The following MRPL34 variants were observed in gnomAD, a reference collection of about 807,000 sequenced individuals.
The protein encoded by MRPL34 is large ribosomal subunit protein bL34m.
In MRPL34, 8 loss-of-function variants were observed where a neutral mutation model predicts 6.7. The observed-to-expected ratio is 1.20, with a 90% confidence interval of 0.70 to 2.16. The LOEUF (loss-of-function observed/expected upper bound fraction) is 2.16. MRPL34 is among the 30% of genes most tolerant of loss of function. The pLI, the probability that MRPL34 is intolerant of heterozygous loss-of-function variation, is 0.00. For missense variants in MRPL34, 146 were observed against 125.5 expected (o/e 1.16, Z -0.78); for synonymous variants, 59 against 55.1 (o/e 1.07, Z -0.31).
upstream of MRPL34, chr19:17,301,590 G>A (rs11086067): frequency 0.29 from 461,580 of 1,574,700 alleles, 69,202 homozygotes; most frequent in South Asian, 0.37. Context: ...GGCAACAGAA[G>A]ATACCGTCGG....
At chr19:17,298,773 C>T (rs2074104146), upstream of MRPL34, among the ~76,000 whole-genome samples, 1 of 121,314 alleles carries the variant, frequency 8.2e-6, no homozygotes. Context: ...CAGAGTCTCA[C>T]TCTGTTGCTC....
upstream of MRPL34, chr19:17,301,124 G>A (rs907807943): frequency 2.5e-6 from 4 of 1,612,810 alleles, no homozygotes; most frequent in Admixed American, 1.7e-5. Flanking sequence ...CTAGTGATGC[G>A]CTTCTCACAG....
upstream of MRPL34, among the ~76,000 whole-genome samples, chr19:17,299,236 C>G (rs548523285): frequency 7.3e-6 from 1 of 137,344 alleles, no homozygotes; most frequent in East Asian, 2.1e-4. Context: ...ATAATGAGAC[C>G]CCCCCCCCAT....
At chr19:17,301,852 GGCCGGA>G (rs2145660895), upstream of MRPL34, among the ~76,000 whole-genome samples, 1 of 152,090 alleles carries the variant, frequency 6.6e-6, no homozygotes, top group East Asian at 1.9e-4. Flanking sequence ...GGAGGGCAGT[GGCCGGA>G]TTTCGGCTTA....
upstream of MRPL34, among the ~76,000 whole-genome samples, chr19:17,300,079 T>C (rs2074110766): frequency 6.6e-6 from 1 of 151,876 alleles, no homozygotes; most frequent in African/African-American, 2.4e-5. Flanking sequence ...TAATTTTTTG[T>C]ATTTTTAGTA....
chr19:17,298,668 C>A (rs2074103506), upstream of MRPL34, among the ~76,000 whole-genome samples: 1 of 151,110 alleles, frequency 6.6e-6, no homozygotes, highest in Non-Finnish European at 1.5e-5. Context: ...TACTAAACAT[C>A]CTATAGCCCC....
rs747471304 is a variant in MRPL34 at position 17,305,923 on chromosome 19, C to T, written c.31C>T (p.Pro11Ser). Residue 11 changes from proline to serine, a missense_variant, in exon 1 of 2, where the codon CCC (proline) becomes TCC (serine). Transcript: ENST00000252602. MAVLAGSLLG[P>S]TSRSAALLGG... ...TGTCTTGGCTGGATCCCTGTTGGGC[C>T]CCACGAGTAGGTCGGCAGCGTTGCT... The T allele has an allele frequency of 3.5e-5, 57 of 1,614,032 alleles. No homozygotes were observed. The highest frequency in any genetic ancestry group is 4.6e-5 in the Non-Finnish European group (54 of 1,180,038).
chr19:17,306,264 C>A lies in MRPL34; in HGVS notation c.164C>A (p.Pro55Gln). 1 of 1,603,086 alleles carries A rather than the reference C, an allele frequency of 6.2e-7. No homozygotes were observed. The highest frequency in any genetic ancestry group is 8.5e-7 in the Non-Finnish European group (1 of 1,175,702). Residue 55 changes from proline (P) to glutamine (Q), a missense_variant, in exon 2 of 2, where the codon CCG (proline) becomes CAG (glutamine). Transcript: ENST00000252602. Reference sequence around the variant, plus strand: ...AAGGCTCGCGGGAATGAGTATCAGCCGAGCAACATCAAACGCAAGAACAAG... The same window carrying A: ...AAGGCTCGCGGGAATGAGTATCAGCAGAGCAACATCAAACGCAAGAACAAG... ...RGKARGNEYQ[P>Q]SNIKRKNKHG...
intron 1 of MRPL34, chr19:17,294,211 C>T (rs982175884): frequency 5.8e-5 from 87 of 1,511,288 alleles, no homozygotes; most frequent in Non-Finnish European, 1.1e-5. Context: ...GCTACCACGC[C>T]CCCCGCAGAG....
upstream of MRPL34, chr19:17,301,522 CCATCGCTGG>C: frequency 6.2e-7 from 1 of 1,610,976 alleles, no homozygotes. Context: ...AAAGGTGTAG[CCATCGCTGG>C]ACTCGACGCT....
chr19:17,294,324 C>G (rs745919339), intron 1 of MRPL34: 1 of 1,610,942 alleles, frequency 6.2e-7, no homozygotes, highest in Non-Finnish European at 8.5e-7. Flanking sequence ...CCGGCACAAA[C>G]TTATCGTGCA....
At chr19:17,301,144 A>C, upstream of MRPL34, 1 of 1,612,494 alleles carries the variant, frequency 6.2e-7, no homozygotes, top group South Asian at 1.1e-5. Flanking sequence ...GTCAATATGG[A>C]TGGTCCTCTT....
intron 1 of MRPL34, among the ~76,000 whole-genome samples, chr19:17,295,573 A>C (rs1358488674): frequency 6.6e-6 from 1 of 151,486 alleles, no homozygotes; most frequent in African/African-American, 2.4e-5. Flanking sequence ...CACCTGGCTA[A>C]TTTTTGTATT....
upstream of MRPL34, among the ~76,000 whole-genome samples, chr19:17,299,315 G>A (rs1453234031): frequency 6.7e-6 from 1 of 149,886 alleles, no homozygotes; most frequent in East Asian, 2.0e-4. Flanking sequence ...TAATCCCAGC[G>A]CTTTGGGAGG....
chr19:17,305,662 C>T (rs2074142134), upstream of MRPL34: 1 of 581,468 alleles, frequency 1.7e-6, no homozygotes, highest in South Asian at 2.0e-5. Context: ...CAGAAGGCGC[C>T]GTTCGCCGGC....
chr19:17,296,726 G>A (rs888695175), intron 1 of MRPL34: 2 of 140,404 alleles, frequency 1.4e-5, no homozygotes, highest in African/African-American at 5.4e-5. Context: ...ATGGAGTCCT[G>A]CTCTGTTGCC....
upstream of MRPL34, chr19:17,305,839 C>A (rs1389448670): frequency 7.1e-6 from 11 of 1,542,484 alleles, no homozygotes; most frequent in African/African-American, 1.4e-5. Flanking sequence ...AGGGCTGGAG[C>A]GGCTCTGGGC....
At chr19:17,303,119 G>A (rs2074128763), upstream of MRPL34, 1 of 152,288 alleles carries the variant, frequency 6.6e-6, no homozygotes, top group Non-Finnish European at 1.5e-5. Flanking sequence ...CTGCAGCGGG[G>A]TCGAGCCCAC....
At chr19:17,292,751 C>T (rs760980092) in exon 1 of MRPL34, 1 of 1,613,834 alleles carries the variant, frequency 6.2e-7, no homozygotes, top group Non-Finnish European at 8.5e-7. Flanking sequence ...CGTGGAGCAG[C>T]GTGTTGACCG....
Sources: gnomAD v4.1 joint callset for allele counts (sites outside exome capture counted in the v4.1 genomes callset) on GRCh38, gnomAD v4.1.1 for gene constraint, MANE v1.5 for transcripts, NCBI Gene and HGNC (gene_info 2026-07-23, HGNC 2026-07-21) for gene names.